KCNQ5: variants seen among roughly 807,000 people sequenced by gnomAD.
KCNQ5 encodes potassium voltage-gated channel subfamily Q member 5.
In KCNQ5, 30 loss-of-function variants were observed where a neutral mutation model predicts 98.2. The observed-to-expected ratio is 0.31, with a 90% CI of 0.23 to 0.41. KCNQ5 has a LOEUF of 0.41. KCNQ5 is among the 10% of genes least tolerant of loss of function. KCNQ5 has a pLI of 1.00. For synonymous variants in KCNQ5, 458 were observed against 449.4 expected (o/e 1.02, Z -0.24); for missense variants, 835 against 1,182.5 (o/e 0.71, Z 4.31).
chr6:73,134,490 G>T (rs1466043791), intron 10 of KCNQ5, among the ~76,000 whole-genome samples: 1 of 152,094 alleles, frequency 6.6e-6, no homozygotes, highest in Non-Finnish European at 1.5e-5. Context: ...GGCCCTCAAA[G>T]CTCGAGGAAT....
intron 1 of KCNQ5, among the ~76,000 whole-genome samples, chr6:72,789,153 ATG>A (rs58557571): frequency 6.0e-4 from 89 of 147,800 alleles, no homozygotes; most frequent in Non-Finnish European, 8.4e-4. Flanking sequence ...GTTCATGTGT[ATG>A]TGTGTGTGTG....
chr6:72,850,050 C>T (rs1431451839), intron 1 of KCNQ5, among the ~76,000 whole-genome samples: 2 of 152,214 alleles, frequency 1.3e-5, no homozygotes, highest in South Asian at 2.1e-4. Flanking sequence ...TCCTTGCACA[C>T]TTAGTCAATT....
intron 1 of KCNQ5, among the ~76,000 whole-genome samples, chr6:72,628,119 T>C (rs1418405780): frequency 6.6e-6 from 1 of 152,210 alleles, no homozygotes; most frequent in African/African-American, 2.4e-5. Context: ...TTGTGTCTAG[T>C]AGACCCTCCA....
intron 1 of KCNQ5, among the ~76,000 whole-genome samples, chr6:72,994,302 A>T (rs1416032424): frequency 2.3e-5 from 1 of 43,128 alleles, no homozygotes; most frequent in Non-Finnish European, 4.3e-5. Context: ...CTGTGCTAGC[A>T]ATCAGCGAGA....
intron 1 of KCNQ5, among the ~76,000 whole-genome samples, chr6:72,753,732 T>A (rs375408024): frequency 3.9e-5 from 6 of 152,128 alleles, no homozygotes; most frequent in African/African-American, 1.4e-4. Context: ...GCTCAAGTGA[T>A]GCACCTTTTA....
intron 5 of KCNQ5, among the ~76,000 whole-genome samples, chr6:73,086,749 ATCAC>A (rs1278168162): frequency 6.6e-6 from 1 of 152,252 alleles, no homozygotes; most frequent in African/African-American, 2.4e-5. Context: ...ACAACAGACT[ATCAC>A]TCACGTTAAT....
chr6:72,868,497 C>T (rs1778079727), intron 1 of KCNQ5, among the ~76,000 whole-genome samples: 1 of 152,150 alleles, frequency 6.6e-6, no homozygotes, highest in South Asian at 2.1e-4. Flanking sequence ...ACCTGAGCCT[C>T]AATTCTGGCA....
chr6:72,712,391 G>A (rs1025449718), intron 1 of KCNQ5, among the ~76,000 whole-genome samples: 3 of 152,198 alleles, frequency 2.0e-5, no homozygotes, highest in Non-Finnish European at 2.9e-5. Flanking sequence ...GCATGCAGCA[G>A]CAAGCCTAGC....
chr6:72,839,892 CTT>C (rs1464502482), intron 1 of KCNQ5, among the ~76,000 whole-genome samples: 4 of 152,100 alleles, frequency 2.6e-5, no homozygotes, highest in Non-Finnish European at 4.4e-5. Context: ...ATCTCAAAAA[CTT>C]ATTTCTCATA....
At chr6:72,968,112 A>G (rs1215993440) in intron 1 of KCNQ5, among the ~76,000 whole-genome samples, 2 of 152,186 alleles carry the variant, frequency 1.3e-5, no homozygotes, top group Admixed American at 6.5e-5. Flanking sequence ...GTGAATAGAA[A>G]CTTACATACA....
intron 6 of KCNQ5, among the ~76,000 whole-genome samples, chr6:73,110,483 G>A (rs1369982380): frequency 2.0e-5 from 3 of 152,072 alleles, no homozygotes; most frequent in Non-Finnish European, 4.4e-5. Context: ...AAGCAAACTG[G>A]CCCAAAACTA....
intron 1 of KCNQ5, among the ~76,000 whole-genome samples, chr6:72,744,686 C>T (rs1442901542): frequency 6.6e-6 from 1 of 152,018 alleles, no homozygotes. Flanking sequence ...TGGTGGGAGC[C>T]TGTAGTCCCA....
At position 73,105,262 on chromosome 6, in the gene KCNQ5, A is replaced by G. The variant is rs773079348; in HGVS notation, c.924A>G (p.Thr308=). 7 of 1,592,126 alleles carry G rather than the reference A, an allele frequency of 4.4e-6. No homozygotes were observed. The highest frequency in any genetic ancestry group is 1.3e-5 in the African/African-American group (1 of 74,358). ...YADALWWGTI[T]LTTIGYGDKT... ...TCTATTTATTTTGTTTCTAGATTAC[A>G]TTGACAACTATTGGCTATGGAGACA... Residue 308 remains threonine, a synonymous_variant, in exon 6 of 14, where the codon ACA becomes ACG. Transcript: ENST00000370398.
chr6:72,725,241 A>ATATATTAAT (rs1363527709), intron 1 of KCNQ5, among the ~76,000 whole-genome samples: 1 of 152,150 alleles, frequency 6.6e-6, no homozygotes, highest in African/African-American at 2.4e-5. Flanking sequence ...GGTTATATTA[A>ATATATTAAT]CTATTAATAT....
chr6:72,997,875 G>C (rs1035809312), intron 1 of KCNQ5, among the ~76,000 whole-genome samples: 1 of 150,200 alleles, frequency 6.7e-6, no homozygotes, highest in African/African-American at 2.5e-5. Flanking sequence ...AAGGTTCATT[G>C]CACTTGAAAA....
chr6:72,714,817 T>G lies in KCNQ5; in HGVS notation c.398+92230T>G, dbSNP rs569240608. Among the ~76,000 whole-genome samples the G allele has an allele frequency of 7.2e-5, 11 of 152,308 alleles. No individual in the cohort carries two copies. The South Asian group carries it at 2.3e-3, about 32-fold the overall frequency. The stretch of plus-strand genomic sequence containing the variant: ...TGATTTCCTCTTAATATCTTGAAGA[T>G]CATATTCATGGGCACCAGCGAGTCT... On this transcript the variant is annotated intron_variant, in intron 1 of 13. Coordinates refer to ENST00000370398, the MANE Select transcript of KCNQ5 (RefSeq NM_019842.4).
intron 2 of KCNQ5, among the ~76,000 whole-genome samples, chr6:73,034,860 T>TCA (rs1170363105): frequency 7.8e-6 from 1 of 127,456 alleles, no homozygotes; most frequent in Non-Finnish European, 1.7e-5. Context: ...TTTTTTTTTT[T>TCA]TTTGAGACAG....
intron 1 of KCNQ5, among the ~76,000 whole-genome samples, chr6:72,917,665 G>T (rs1295268633): frequency 6.6e-6 from 1 of 151,924 alleles, no homozygotes; most frequent in Non-Finnish European, 1.5e-5. Flanking sequence ...TAGAGACTGG[G>T]TTTCACCATG....
chr6:72,770,727 G>A (rs575975960), intron 1 of KCNQ5, among the ~76,000 whole-genome samples: 2 of 152,092 alleles, frequency 1.3e-5, no homozygotes, highest in South Asian at 2.1e-4. Context: ...TTTAGTATTT[G>A]CATGCGAATA....
Sources: allele counts gnomAD v4.1 joint callset (sites outside exome capture counted in the v4.1 genomes callset), GRCh38; gene constraint gnomAD v4.1.1; transcripts MANE v1.5; gene names NCBI Gene and HGNC (gene_info 2026-07-23, HGNC 2026-07-21).